AIG1: variants seen among roughly 807,000 people sequenced by gnomAD.
AIG1 encodes androgen-induced gene 1 protein.
In AIG1, 23 loss-of-function variants were observed where a neutral mutation model predicts 31.4. The observed-to-expected ratio is 0.73, with a 90% CI of 0.53 to 1.04. The LOEUF (loss-of-function observed/expected upper bound fraction) is 1.04. Among genes scored for constraint, AIG1 ranks in the 50% least tolerant of loss-of-function variants. The pLI is 0.00. For synonymous variants in AIG1, 100 were observed against 110.5 expected (o/e 0.90, Z 0.60); for missense variants, 274 against 295.0 (o/e 0.93, Z 0.52).
chr6:143,339,789 C>G lies in AIG1; in HGVS notation c.*113C>G. On this transcript the variant is annotated 3_prime_UTR_variant, in exon 6 of 6. Transcript: ENST00000357847. ...AAAGGAACTTGGTGGCATCAGCACC[C>G]CCCTCCCCCAATGAGGACACCTTTT... 1 of 1,049,456 alleles carries G rather than the reference C, an allele frequency of 9.5e-7. No homozygotes were observed. Among genetic ancestry groups the G allele is most frequent in the Non-Finnish European group, 1.4e-6 (1 of 710,952 alleles). The allele number at this position is 1,049,456 out of a possible 1,614,324, so 65.0% of individuals were successfully genotyped here.
chr6:143,114,817 G>T (rs1781601113), intron 1 of AIG1, among the ~76,000 whole-genome samples: 1 of 152,170 alleles, frequency 6.6e-6, no homozygotes, highest in Admixed American at 6.5e-5. Flanking sequence ...TTGAGGTTAT[G>T]TTATATGTAA....
chr6:143,180,588 G>A (rs1788630699), intron 3 of AIG1, among the ~76,000 whole-genome samples: 1 of 152,114 alleles, frequency 6.6e-6, no homozygotes, highest in Admixed American at 6.6e-5. Context: ...GCTATAACAG[G>A]AAATAACAAC....
At chr6:143,102,939 A>C (rs1780433497) in intron 1 of AIG1, among the ~76,000 whole-genome samples, 1 of 152,206 alleles carries the variant, frequency 6.6e-6, no homozygotes, top group Non-Finnish European at 1.5e-5. Flanking sequence ...AATCCTGAAG[A>C]TTTACATTAG....
At chr6:143,301,656 G>A (rs1198885457) in intron 4 of AIG1, among the ~76,000 whole-genome samples, 1 of 152,124 alleles carries the variant, frequency 6.6e-6, no homozygotes, top group Admixed American at 6.5e-5. Context: ...TTTATAAAGT[G>A]TCAGATCTCA....
chr6:143,140,239 C>T (rs907240603), intron 2 of AIG1, among the ~76,000 whole-genome samples: 4 of 152,158 alleles, frequency 2.6e-5, no homozygotes, highest in African/African-American at 9.7e-5. Flanking sequence ...CCCACTGGGT[C>T]CCTCCCACGA....
At chr6:143,091,273 G>A (rs912297612) in intron 1 of AIG1, among the ~76,000 whole-genome samples, 2 of 152,158 alleles carry the variant, frequency 1.3e-5, no homozygotes, top group African/African-American at 2.4e-5. Context: ...CCAAACTCCT[G>A]TTAATGTTGA....
chr6:143,085,008 C>G (rs888015502), intron 1 of AIG1, among the ~76,000 whole-genome samples: 1 of 152,212 alleles, frequency 6.6e-6, no homozygotes, highest in Non-Finnish European at 1.5e-5. Flanking sequence ...GCACTTCTCT[C>G]ATTTGGGGTT....
rs768001203 is a variant in AIG1 at position 143,284,096 on chromosome 6, C to T, written c.400-14C>T. 1 of 1,589,620 alleles carries T rather than the reference C, an allele frequency of 6.3e-7. No homozygotes were observed. The highest frequency in any genetic ancestry group is 1.1e-5 in the South Asian group (1 of 90,270). ...GATAGCAATCTGTGTCACCTAGTCT[C>T]TGTTATTTTCCAGCACACGACGGTT... is the stretch of plus-strand genomic sequence containing the variant. On this transcript the variant is annotated splice_polypyrimidine_tract_variant and intron_variant, in intron 3 of 5. Transcript: ENST00000357847. The surrounding 1 kb of genome is among the most constrained non-coding windows in gnomAD (Gnocchi z 4.4).
intron 2 of AIG1, among the ~76,000 whole-genome samples, chr6:143,143,332 TA>T (rs555854641): frequency 2.0e-4 from 29 of 143,076 alleles, no homozygotes; most frequent in African/African-American, 2.3e-4. Context: ...CCATCTCTAC[TA>T]AAAAAAAAAT....
At chr6:143,144,170 T>G (rs1207067431) in intron 2 of AIG1, among the ~76,000 whole-genome samples, 2 of 152,204 alleles carry the variant, frequency 1.3e-5, no homozygotes. Context: ...AGTCACACAT[T>G]AACAAAATTT....
In AIG1 at chr6:143,293,491, G is replaced by A. The variant is rs1404372971; in HGVS notation, c.515+9266G>A. 6.6e-6 allele frequency among the ~76,000 whole-genome samples: 1 copy of A among 152,170 alleles called. No individual in the cohort carries two copies. The highest frequency in any genetic ancestry group is 1.5e-5 in the Non-Finnish European group (1 of 68,034). On this transcript the variant is annotated intron_variant, in intron 4 of 5. Coordinates refer to ENST00000357847, the MANE Select transcript of AIG1 (RefSeq NM_016108.4). This position sits in a 1 kb window ranked among gnomAD's most constrained non-coding sequence, Gnocchi z 4.8. The stretch of plus-strand genomic sequence containing the variant: ...ATCTTCTAAGGAAAAGTCTATCTGG[G>A]CAGTTGAAAGCCTGACAACAGAGAG...
intron 3 of AIG1, among the ~76,000 whole-genome samples, chr6:143,169,486 A>G (rs1562451633): frequency 1.3e-5 from 2 of 152,152 alleles, no homozygotes; most frequent in East Asian, 1.9e-4. Context: ...TTTGAAAATA[A>G]CAGTAAATTA....
intron 1 of AIG1, among the ~76,000 whole-genome samples, chr6:143,109,300 A>G (rs1040269628): frequency 7.9e-5 from 12 of 152,104 alleles, no homozygotes; most frequent in Non-Finnish European, 1.6e-4. Context: ...GTTGTTTCCA[A>G]CTTTCAGCTA....
intron 3 of AIG1, chr6:143,188,472 T>G: frequency 1.0e-6 from 1 of 985,418 alleles, no homozygotes; most frequent in Non-Finnish European, 1.2e-6. Flanking sequence ...AGAGTGGCAC[T>G]GGAAGGTCTC....
chr6:143,188,930 C>T, intron 3 of AIG1: 1 of 984,288 alleles, frequency 1.0e-6, no homozygotes, highest in Non-Finnish European at 1.2e-6. Flanking sequence ...CTTAAAAGCT[C>T]AAGCCTTCCA....
chr6:143,222,669 TA>T (rs1424876577), intron 3 of AIG1, among the ~76,000 whole-genome samples: 2 of 150,658 alleles, frequency 1.3e-5, no homozygotes, highest in Non-Finnish European at 2.9e-5. Context: ...TATGAAATCC[TA>T]TTGACAGAAA....
At chr6:143,083,981 A>G (rs1240434744) in intron 1 of AIG1, among the ~76,000 whole-genome samples, 1 of 152,158 alleles carries the variant, frequency 6.6e-6, no homozygotes, top group Non-Finnish European at 1.5e-5. Flanking sequence ...GAAAAGAGTA[A>G]AGTTCCCCAG....
At chr6:143,100,117 G>T (rs1449771396) in intron 1 of AIG1, among the ~76,000 whole-genome samples, 3 of 152,178 alleles carry the variant, frequency 2.0e-5, no homozygotes, top group Non-Finnish European at 4.4e-5. Context: ...GATATAACCC[G>T]TGGGTCCTGA....
chr6:143,253,844 A>C (rs1020990433), intron 3 of AIG1, among the ~76,000 whole-genome samples: 3 of 152,214 alleles, frequency 2.0e-5, no homozygotes, highest in African/African-American at 7.2e-5. Context: ...GTTTACATTG[A>C]ATCTCATGGG....
Sources: gnomAD v4.1 joint callset for allele counts (sites outside exome capture counted in the v4.1 genomes callset) on GRCh38, gnomAD v4.1.1 for gene constraint, Gnocchi (gnomAD v3.1) non-coding constraint, MANE v1.5 for transcripts, NCBI Gene and HGNC (gene_info 2026-07-23, HGNC 2026-07-21) for gene names.